DGKQ: variants seen among roughly 807,000 people sequenced by gnomAD.
The protein encoded by DGKQ is diacylglycerol kinase theta, also known as DAG kinase theta.
Under a neutral mutation model 104.2 loss-of-function variants are expected in DGKQ, and 97 were observed. That is an observed-to-expected ratio of 0.93 (90% CI 0.79 to 1.10). The LOEUF (loss-of-function observed/expected upper bound fraction) is 1.10, where lower values mean the gene tolerates loss of function less well. Ranked by LOEUF, DGKQ falls within the 50% of genes least tolerant of loss-of-function variation. The pLI, the probability that DGKQ is intolerant of heterozygous loss-of-function variation, is 0.00. For missense variants in DGKQ, 1,465 were observed against 1,352.1 expected, an observed-to-expected ratio of 1.08 and a Z score of -1.31; for synonymous variants, 736 against 595.2, an observed-to-expected ratio of 1.24 and a Z score of -3.44.
intron 2 of DGKQ, 96 bp downstream of exon 2, chr4:970,897 C>G (rs1712876612): frequency 1.1e-6 from 1 of 936,506 alleles, no homozygotes; most frequent in African/African-American, 1.6e-5. Flanking sequence ...GCAGGTATCA[C>G]TAACGTCTGA....
chr4:960,831 AT>A, intron 22 of DGKQ, 110 bp from the exon 23 acceptor site: 1 of 1,504,590 alleles, frequency 6.6e-7, no homozygotes, highest in Non-Finnish European at 8.9e-7. Context: ...TCTCAGCCCC[AT>A]TTCACGGAAG....
At chr4:965,613 G>A (rs1488824630) in intron 13 of DGKQ, 84 bp from the exon 14 acceptor site, 4 of 1,480,836 alleles carry the variant, frequency 2.7e-6, no homozygotes, top group Non-Finnish European at 3.7e-6. Context: ...CGCCTGTCCA[G>A]GGGTGACATC....
chr4:966,037 T>C lies in DGKQ; in HGVS notation c.1470A>G (p.Ala490=). The C allele has an allele frequency of 6.2e-7, 1 of 1,604,436 alleles. No homozygotes were observed. ...RQVSQTRFYV[A]ESRDVAPHVS... ...CGTGCGGGGCTACATCCCTGCTCTC[T>C]GCCACGTAGAACCGCGTCTGGCTCA... The change falls in exon 13 of 23, where the codon GCA becomes GCG. Residue 490 remains alanine, a synonymous_variant. Transcript: ENST00000273814.
chr4:962,492 C>T lies in DGKQ; in HGVS notation c.2157G>A (p.Leu719=), dbSNP rs140127004. 6.6e-4 allele frequency: 1,066 copies of T among 1,608,672 alleles called. 2 individuals are homozygous for T. The highest frequency in any genetic ancestry group is 1.7e-3 in the South Asian group (154 of 90,986). Residue 719 remains leucine (L), a synonymous_variant, in exon 18 of 23, where the codon CTG becomes CTA. Transcript: ENST00000273814. ...AVLMDRWTIL[L]DAHEAGSAEN... ...CTGCACTGCCAGCCTCGTGGGCATC[C>T]AGCAGGATGGTCCAGCGGTCCATGA...
intron 2 of DGKQ, 93 bp from the exon 3 acceptor site, chr4:969,003 A>C: frequency 1.2e-6 from 1 of 832,466 alleles, no homozygotes; most frequent in Non-Finnish European, 1.9e-6. Flanking sequence ...TCTGCAGCTC[A>C]CGCTCCTGCT....
chr4:962,620 C>A lies in DGKQ; in HGVS notation c.2036-7G>T, dbSNP rs1193205213. 1 of 1,605,418 alleles carries A rather than the reference C, an allele frequency of 6.2e-7. No individual in the cohort carries two copies. The highest frequency in any genetic ancestry group is 8.5e-7 in the Non-Finnish European group (1 of 1,178,920). Reference sequence around the variant, plus strand: ...ACTCGACCAAGGTCATTCCCTGGGACACAAGCAGACACAGAGCATCTGTCC... The same window carrying A: ...ACTCGACCAAGGTCATTCCCTGGGAAACAAGCAGACACAGAGCATCTGTCC... On this transcript the variant is annotated splice_polypyrimidine_tract_variant and splice_region_variant and intron_variant, in intron 17 of 22. Transcript: ENST00000273814.
Position 967,857 on chromosome 4 carries a change from GCCCCGGCCGGCCCGCACCTCACCCGGCT to G in DGKQ, c.806_811+22del. On this transcript the variant is annotated splice_donor_variant and splice_donor_5th_base_variant and coding_sequence_variant and intron_variant, in exon 6 of 23. Transcript: ENST00000273814. LOFTEE classifies it high-confidence loss of function. ...CAGTGCGCAGCCCCCAGCCCAGGGC[GCCCCGGCCGGCCCGCACCTCACCCGGCT>G]CCGCGGCCTCCACGATGCGGAAGCT... is the stretch of plus-strand genomic sequence containing the variant. 6 of 1,476,614 alleles carry G rather than the reference GCCCCGGCCGGCCCGCACCTCACCCGGCT, an allele frequency of 4.1e-6. No homozygotes were observed. The highest frequency in any genetic ancestry group is 5.4e-6 in the Non-Finnish European group (6 of 1,117,726). 91.5% of individuals were successfully genotyped at this position (1,476,614 alleles called of 1,614,324 possible).
intron 15 of DGKQ, among the ~76,000 whole-genome samples, chr4:964,604 C>G (rs574165293): frequency 2.0e-5 from 3 of 152,146 alleles, no homozygotes; most frequent in Non-Finnish European, 4.4e-5. Context: ...TTGCCAGGTG[C>G]CCCCTCTTCT....
chr4:965,286 C>A lies in DGKQ; in HGVS notation c.1624G>T (p.Val542Leu). 6.2e-7 allele frequency: 1 copy of A among 1,612,510 alleles called. No homozygotes were observed. The highest frequency in any genetic ancestry group is 8.5e-7 in the Non-Finnish European group (1 of 1,179,770). ...GCAAAGCAGGCAACGTCCAACACTA[C>A]CGCGCCTGCGGCAGGAGCCCAGGAC... The part of the protein sequence containing the change: ...VSHIYSSQGA[V>L]VLDVACFAEA... The change falls in exon 15 of 23, where the codon GTA becomes TTA. Residue 542 changes from valine (V) to leucine (L), a missense_variant. Transcript: ENST00000273814.
intron 2 of DGKQ, 76 bp downstream of exon 2, chr4:970,917 T>C: frequency 8.4e-7 from 1 of 1,193,998 alleles, no homozygotes; most frequent in African/African-American, 1.5e-5. Flanking sequence ...ACATGAAGGT[T>C]TTCAGTGCCT....
At position 961,362 on chromosome 4, in the gene DGKQ, A is replaced by G. The variant is rs1287973328; in HGVS notation, c.2574+105T>C. 11 of 1,296,844 alleles carry G rather than the reference A, an allele frequency of 8.5e-6. No individual in the cohort carries two copies. In the Admixed American group the frequency reaches 1.9e-4, roughly 22 times the overall value. 80.3% of individuals were successfully genotyped at this position (1,296,844 alleles called of 1,614,324 possible). The stretch of plus-strand genomic sequence containing the variant: ...CAGCCGGGCTCAGCGGGGACCGGGG[A>G]CGCCCACCCTGGACCTGGCCCTGGG... On this transcript the variant is annotated intron_variant, in intron 21 of 22. Coordinates refer to ENST00000273814, the MANE Select transcript of DGKQ (RefSeq NM_001347.4).
rs1279636420 is a variant in DGKQ, at chr4:967,720, G to T, written c.886+8C>A. On this transcript the variant is annotated splice_region_variant and intron_variant, in intron 7 of 22. Transcript: ENST00000273814. The stretch of plus-strand genomic sequence containing the variant: ...AGTGGAGTTGGGGGGAATGAGGCGG[G>T]CACTTACCGGACTCCGGAGTTGCCT... 3.7e-6 allele frequency: 6 copies of T among 1,611,470 alleles called. No individual in the cohort carries two copies. In the African/African-American group the frequency reaches 4.0e-5, roughly 11 times the overall value.
At chr4:962,999 C>T (rs1156346973) in intron 16 of DGKQ, 79 bp from the exon 17 acceptor site, 19 of 1,525,806 alleles carry the variant, frequency 1.2e-5, no homozygotes, top group Middle Eastern at 2.0e-4. Context: ...TCCAAGTGCC[C>T]GTCCTGGCCG....
At chr4:969,310 T>G (rs1712736491) in intron 2 of DGKQ, among the ~76,000 whole-genome samples, 1 of 152,236 alleles carries the variant, frequency 6.6e-6, no homozygotes, top group Admixed American at 6.5e-5. Flanking sequence ...GGCGAGGCTC[T>G]GTCGACGGCC....
At chr4:969,725 T>A (rs1158475490) in intron 2 of DGKQ, among the ~76,000 whole-genome samples, 1 of 151,198 alleles carries the variant, frequency 6.6e-6, no homozygotes, top group African/African-American at 2.4e-5. Flanking sequence ...TTCTCCTGCC[T>A]CAGCCTCCCG....
chr4:967,723 C>T lies in DGKQ; in HGVS notation c.886+5G>A. The T allele has an allele frequency of 1.2e-6, 2 of 1,611,560 alleles. No homozygotes were observed. The highest frequency in any genetic ancestry group is 1.7e-6 in the Non-Finnish European group (2 of 1,179,358). Reference sequence around the variant, plus strand: ...GGAGTTGGGGGGAATGAGGCGGGCACTTACCGGACTCCGGAGTTGCCTGTG... The same window carrying T: ...GGAGTTGGGGGGAATGAGGCGGGCATTTACCGGACTCCGGAGTTGCCTGTG... On this transcript the variant is annotated splice_donor_5th_base_variant and intron_variant, in intron 7 of 22. Transcript: ENST00000273814.
At chr4:965,437 C>T in intron 14 of DGKQ, 54 bp downstream of exon 14, 1 of 1,584,892 alleles carries the variant, frequency 6.3e-7, no homozygotes, top group South Asian at 1.1e-5. Flanking sequence ...TGTCCCACTT[C>T]ACCCCAGGAA....
chr4:966,913 C>T (rs1459182182), intron 10 of DGKQ, 51 bp downstream of exon 10: 24 of 1,542,506 alleles, frequency 1.6e-5, no homozygotes, highest in Non-Finnish European at 2.0e-5. Flanking sequence ...CTGGGGACAG[C>T]GACCCCCCAC....
At position 966,017 on chromosome 4, in the gene DGKQ, G is replaced by A. The variant is rs765814870; in HGVS notation, c.1490C>T (p.Pro497Leu). The A allele has an allele frequency of 3.6e-5, 57 of 1,605,080 alleles. No homozygotes were observed. The highest frequency in any genetic ancestry group is 1.6e-4 in the Middle Eastern group (1 of 6,070). ...FYVAESRDVA[P>L]HVSLFVGGLP... ...GCCGCCAACAAACAGGGAGACGTGCGGGGCTACATCCCTGCTCTCTGCCAC... is the reference window on the plus strand; with the variant it reads ...GCCGCCAACAAACAGGGAGACGTGCAGGGCTACATCCCTGCTCTCTGCCAC... Residue 497 changes from proline to leucine, a missense_variant, in exon 13 of 23, where the codon CCG becomes CTG. Physicochemically the swap from Pro to Leu is moderately conservative, Grantham distance 98 (BLOSUM62 -3). Transcript: ENST00000273814.
Sources: gnomAD v4.1 joint callset for allele counts (sites outside exome capture counted in the v4.1 genomes callset) on GRCh38, gnomAD v4.1.1 for gene constraint, MANE v1.5 for transcripts, NCBI Gene and HGNC (gene_info 2026-07-23, HGNC 2026-07-21) for gene names.